GNAL: variants seen among roughly 807,000 people sequenced by gnomAD.
GNAL encodes the protein G protein subunit alpha L.
A neutral mutation model predicts 55.1 loss-of-function variants in GNAL; 18 were observed. That is an observed-to-expected ratio of 0.33 (90% CI 0.23 to 0.48). The LOEUF (loss-of-function observed/expected upper bound fraction) is 0.48, where lower values mean the gene tolerates loss of function less well. Among genes scored for constraint, GNAL ranks in the 20% least tolerant of loss-of-function variants. The pLI, the probability that GNAL is intolerant of heterozygous loss-of-function variation, is 0.99. For missense variants in GNAL, 412 were observed against 614.1 expected (o/e 0.67, Z 3.48); for synonymous variants, 253 against 237.0 (o/e 1.07, Z -0.62).
At chr18:11,703,112 C>T (rs145830176) in intron 1 of GNAL, among the ~76,000 whole-genome samples, 2 of 152,070 alleles carry the variant, frequency 1.3e-5, no homozygotes, top group Admixed American at 6.5e-5. Flanking sequence ...AGCAAGACTC[C>T]GTCTCAAAAA....
chr18:11,690,935 T>A (rs2031227661), intron 1 of GNAL, among the ~76,000 whole-genome samples: 1 of 149,180 alleles, frequency 6.7e-6, no homozygotes, highest in Non-Finnish European at 1.5e-5. Context: ...TGCATGTGTC[T>A]TTATAGCAGC....
chr18:11,814,184 A>T (rs777835687), intron 4 of GNAL, among the ~76,000 whole-genome samples: 4 of 152,200 alleles, frequency 2.6e-5, no homozygotes, highest in Non-Finnish European at 5.9e-5. Flanking sequence ...AAAAGAAAAA[A>T]ATGGATTAAT....
intron 5 of GNAL, chr18:11,851,256 C>T (rs562781018): frequency 3.2e-4 from 148 of 462,176 alleles, no homozygotes; most frequent in Non-Finnish European, 5.0e-4. Flanking sequence ...GCCGCAGCGC[C>T]GGAGCGTCCA....
chr18:11,699,454 A>G (rs2031505581), intron 1 of GNAL, among the ~76,000 whole-genome samples: 1 of 151,468 alleles, frequency 6.6e-6, no homozygotes, highest in African/African-American at 2.4e-5. Flanking sequence ...ACCTCTGGGG[A>G]TCCACCTGCC....
intron 1 of GNAL, among the ~76,000 whole-genome samples, chr18:11,744,511 T>TAAG (rs1240577242): frequency 6.6e-6 from 1 of 151,894 alleles, no homozygotes. Flanking sequence ...ACCAAGATAC[T>TAAG]AAGAAAAAAA....
intron 1 of GNAL, 121 bp downstream of exon 1, chr18:11,690,060 T>G: frequency 2.1e-6 from 1 of 466,608 alleles, no homozygotes; most frequent in Non-Finnish European, 3.2e-6. Context: ...GGCTCCTGAA[T>G]CCCGGGACTG....
intron 4 of GNAL, among the ~76,000 whole-genome samples, chr18:11,784,358 G>A (rs1341406273): frequency 1.3e-5 from 2 of 152,192 alleles, no homozygotes; most frequent in Admixed American, 1.3e-4. Flanking sequence ...CCAACCACGT[G>A]GCCACAGGTG....
intron 5 of GNAL, among the ~76,000 whole-genome samples, chr18:11,841,972 C>G (rs2143736831): frequency 6.6e-6 from 1 of 151,572 alleles, no homozygotes; most frequent in East Asian, 2.0e-4. Flanking sequence ...TATTTTAGTT[C>G]AGATTTTTTT....
chr18:11,751,552 T>A lies in GNAL; in HGVS notation c.377-1301T>A, dbSNP rs2032827154. 2.4e-5 allele frequency: 24 copies of A among 985,346 alleles called. No individual in the cohort carries two copies. The highest frequency in any genetic ancestry group is 2.9e-5 in the Non-Finnish European group (24 of 829,982). The allele number at this position is 985,346 out of a possible 1,614,324, so 61.0% of individuals were successfully genotyped here. ...CTCCTCCCTGCTAGAATATGCATGA[T>A]CCTCCGCGAGTCTTCGCCCGCCAGG... On this transcript the variant is annotated intron_variant, in intron 1 of 11. Coordinates refer to ENST00000334049, the MANE Select transcript of GNAL (RefSeq NM_182978.4). The surrounding 1 kb of genome is among the most constrained non-coding windows in gnomAD (Gnocchi z 4.5).
chr18:11,752,655 G>A lies in GNAL; in HGVS notation c.377-198G>A. On this transcript the variant is annotated intron_variant, in intron 1 of 11. Coordinates refer to ENST00000334049, the MANE Select transcript of GNAL (RefSeq NM_182978.4). This position sits in a 1 kb window ranked among gnomAD's most constrained non-coding sequence, Gnocchi z 4.5. ...AGGAGCGGCGAGCGCCAGGCTGGGC[G>A]GGCAGGGCCGGGCGAGGGTCGCGCG... The A allele has an allele frequency of 1.5e-6, 2 of 1,362,576 alleles. No homozygotes were observed. Among genetic ancestry groups the A allele is most frequent in the Admixed American group, 3.8e-5 (1 of 26,052 alleles). 84.4% of individuals were successfully genotyped at this position (1,362,576 alleles called of 1,614,324 possible). A position where few individuals can be genotyped will look rare whatever the true frequency, so the allele number is the denominator to read the frequency against.
At chr18:11,769,909 A>G (rs1358470689) in intron 4 of GNAL, among the ~76,000 whole-genome samples, 9 of 152,254 alleles carry the variant, frequency 5.9e-5, no homozygotes, top group African/African-American at 2.2e-4. Context: ...AATGATGAAC[A>G]TTTTTTTAAA....
At chr18:11,718,560 T>C (rs1388904713) in intron 1 of GNAL, among the ~76,000 whole-genome samples, 1 of 152,216 alleles carries the variant, frequency 6.6e-6, no homozygotes, top group East Asian at 1.9e-4. Context: ...CATTCACAGA[T>C]TGATCTCTTA....
chr18:11,865,647 C>G (rs2036246276), intron 7 of GNAL, among the ~76,000 whole-genome samples: 1 of 145,530 alleles, frequency 6.9e-6, no homozygotes, highest in African/African-American at 2.7e-5. Flanking sequence ...CCTAGCTACT[C>G]AGGAGGCTGA....
chr18:11,820,455 TATTTTTTA>T (rs1399075606), intron 4 of GNAL, among the ~76,000 whole-genome samples: 1 of 152,246 alleles, frequency 6.6e-6, no homozygotes, highest in Non-Finnish European at 1.5e-5. Context: ...GTATTACGGC[TATTTTTTA>T]AAAGTCTTTA....
chr18:11,873,252 A>G (rs564684313), intron 10 of GNAL, among the ~76,000 whole-genome samples: 9 of 152,316 alleles, frequency 5.9e-5, no homozygotes, highest in East Asian at 3.9e-4. Flanking sequence ...TTTATCCTCA[A>G]TGAAGAGGGA....
intron 4 of GNAL, among the ~76,000 whole-genome samples, chr18:11,804,833 C>T (rs1397956697): frequency 4.0e-4 from 46 of 114,128 alleles, no homozygotes; most frequent in African/African-American, 1.1e-3. Context: ...GAGTGGAACA[C>T]GGAGATACTG....
intron 5 of GNAL, among the ~76,000 whole-genome samples, chr18:11,861,758 A>G (rs903763406): frequency 6.6e-6 from 1 of 152,032 alleles, no homozygotes; most frequent in Non-Finnish European, 1.5e-5. Context: ...TGTGTGGGAC[A>G]CAGTGGGCGC....
chr18:11,704,590 C>T (rs2031659518), intron 1 of GNAL, among the ~76,000 whole-genome samples: 1 of 152,158 alleles, frequency 6.6e-6, no homozygotes, highest in South Asian at 2.1e-4. Flanking sequence ...GGGCTCCCTC[C>T]CCAGTTTCCA....
chr18:11,721,048 G>T (rs1401065275), intron 1 of GNAL, among the ~76,000 whole-genome samples: 1 of 152,168 alleles, frequency 6.6e-6, no homozygotes, highest in East Asian at 1.9e-4. Context: ...ATTGTCAAAG[G>T]TTCTTCTCTT....
Sources: allele counts gnomAD v4.1 joint callset (sites outside exome capture counted in the v4.1 genomes callset), GRCh38; gene constraint gnomAD v4.1.1; non-coding constraint Gnocchi (gnomAD v3.1); transcripts MANE v1.5; gene names NCBI Gene and HGNC (gene_info 2026-07-23, HGNC 2026-07-21).